CCNYL1: variants seen among roughly 807,000 people sequenced by gnomAD.
CCNYL1 encodes cyclin-Y-like protein 1.
A neutral mutation model predicts 44.2 loss-of-function variants in CCNYL1; 16 were observed. That is an observed-to-expected ratio of 0.36 (90% confidence interval 0.25 to 0.55). The LOEUF (loss-of-function observed/expected upper bound fraction) is 0.55, where lower values mean the gene tolerates loss of function less well. Among genes scored for constraint, CCNYL1 ranks in the 20% least tolerant of loss-of-function variants. The pLI, the probability that CCNYL1 is intolerant of heterozygous loss-of-function variation, is 0.85. For missense variants in CCNYL1, 348 were observed against 451.8 expected, an observed-to-expected ratio of 0.77 and a Z score of 2.08; for synonymous variants, 159 against 163.2, an observed-to-expected ratio of 0.97 and a Z score of 0.20.
chr2:207,726,905 T>C (rs745979257), intron 3 of CCNYL1, 29 bp downstream of exon 3: 19 of 1,497,626 alleles, frequency 1.3e-5, no homozygotes, highest in Non-Finnish European at 1.7e-5. Context: ...AGCTAAGAAA[T>C]TAACAGTTGA....
intron 8 of CCNYL1, 124 bp downstream of exon 8, chr2:207,747,337 C>T (rs145016116): frequency 2.9e-6 from 2 of 686,540 alleles, no homozygotes; most frequent in African/African-American, 3.6e-5. Flanking sequence ...AGGCATAAGA[C>T]TATATCTGTC....
At chr2:207,724,035 G>A (rs765479690) in intron 1 of CCNYL1, among the ~76,000 whole-genome samples, 1 of 151,916 alleles carries the variant, frequency 6.6e-6, no homozygotes, top group Non-Finnish European at 1.5e-5. Context: ...TCCAACTTTG[G>A]TGCAAGGTGG....
At chr2:207,733,132 C>G (rs2105829355) in intron 3 of CCNYL1, among the ~76,000 whole-genome samples, 1 of 152,226 alleles carries the variant, frequency 6.6e-6, no homozygotes, top group East Asian at 1.9e-4. Flanking sequence ...CAGATGGGGT[C>G]AGGCTTATCG....
At position 207,718,356 on chromosome 2, in the gene CCNYL1, A is replaced by G. The variant is rs116508526; in HGVS notation, c.220+6240A>G. On this transcript the variant is annotated intron_variant, in intron 1 of 9. Transcript: ENST00000295414. Reference sequence around the variant, plus strand: ...CTGAGACCCTGCCTCTACAAAAAGTAAATTAGCCAGGTGTGGTGGCACACA... The same window carrying G: ...CTGAGACCCTGCCTCTACAAAAAGTGAATTAGCCAGGTGTGGTGGCACACA... Among the ~76,000 whole-genome samples, 674 of 152,216 alleles carry G rather than the reference A, an allele frequency of 4.4e-3. 2 individuals are homozygous for G. The highest frequency in any genetic ancestry group is 0.015 in the African/African-American group (620 of 41,536).
intron 8 of CCNYL1, among the ~76,000 whole-genome samples, chr2:207,749,764 G>A (rs1297215533): frequency 6.6e-6 from 1 of 152,206 alleles, no homozygotes; most frequent in African/African-American, 2.4e-5. Flanking sequence ...AATTTTGGAA[G>A]TAGGTTCAGT....
intron 1 of CCNYL1, among the ~76,000 whole-genome samples, chr2:207,713,933 A>AT (rs1483812013): frequency 6.6e-6 from 1 of 152,182 alleles, no homozygotes; most frequent in Non-Finnish European, 1.5e-5. Flanking sequence ...CAGTTAGTAG[A>AT]TGGGTGGGTG....
intron 9 of CCNYL1, among the ~76,000 whole-genome samples, chr2:207,752,135 C>G (rs189105438): frequency 5.9e-5 from 9 of 152,208 alleles, no homozygotes; most frequent in African/African-American, 2.2e-4. Context: ...TTTGCAAATT[C>G]ATGTCATGGT....
At chr2:207,747,658 C>T (rs998393484) in intron 8 of CCNYL1, among the ~76,000 whole-genome samples, 4 of 152,214 alleles carry the variant, frequency 2.6e-5, no homozygotes, top group African/African-American at 4.8e-5. Flanking sequence ...AAGCGATTCT[C>T]CTGCCTCAGC....
intron 7 of CCNYL1, among the ~76,000 whole-genome samples, chr2:207,745,350 C>T (rs2105838800): frequency 6.6e-6 from 1 of 152,286 alleles, no homozygotes; most frequent in East Asian, 1.9e-4. Flanking sequence ...AAAGAACTCT[C>T]ACACTGACAC....
chr2:207,752,255 G>T (rs1575226466), intron 9 of CCNYL1, among the ~76,000 whole-genome samples: 1 of 152,216 alleles, frequency 6.6e-6, no homozygotes, highest in Admixed American at 6.5e-5. Flanking sequence ...AATGCTGGAT[G>T]TAAGTGGTAG....
intron 1 of CCNYL1, among the ~76,000 whole-genome samples, chr2:207,716,087 G>C (rs565317028): frequency 1.3e-5 from 2 of 152,176 alleles, no homozygotes; most frequent in Non-Finnish European, 2.9e-5. Context: ...ACTGACGGTA[G>C]TATCAGTAAC....
chr2:207,748,455 T>A (rs13399784), intron 8 of CCNYL1, among the ~76,000 whole-genome samples: 23,626 of 152,116 alleles, frequency 0.16, 3,039 homozygotes, highest in East Asian at 0.38. Context: ...TGGCCTCGTG[T>A]CGGCCGTGAA....
At chr2:207,733,893 C>T (rs960918958) in intron 3 of CCNYL1, 54 bp from the exon 4 acceptor site, 56 of 1,171,502 alleles carry the variant, frequency 4.8e-5, no homozygotes, top group Non-Finnish European at 4.1e-5. Flanking sequence ...AAAAACCACA[C>T]TTTTATAGGT....
rs544499249 is a variant in CCNYL1, at chr2:207,715,669, C to T, written c.220+3553C>T. ...TGCTGGGATCATAGGTGTGAGCCAC[C>T]GCGCCTGGCCTTTTTTTTTTTTTTG... On this transcript the variant is annotated intron_variant, in intron 1 of 9. Coordinates refer to ENST00000295414, the MANE Select transcript of CCNYL1 (RefSeq NM_001330218.2). 2.7e-4 allele frequency among the ~76,000 whole-genome samples: 39 copies of T among 147,130 alleles called. No individual in the cohort carries two copies. In the South Asian group the frequency reaches 6.0e-3, roughly 23 times the overall value.
chr2:207,740,151 C>G (rs1374392840), intron 5 of CCNYL1, among the ~76,000 whole-genome samples: 3 of 152,054 alleles, frequency 2.0e-5, no homozygotes, highest in Non-Finnish European at 4.4e-5. Flanking sequence ...ATTATCAAAG[C>G]CTTGTCTCTT....
chr2:207,720,334 A>G (rs745581665), intron 1 of CCNYL1, among the ~76,000 whole-genome samples: 4 of 151,638 alleles, frequency 2.6e-5, no homozygotes, highest in Admixed American at 6.6e-5. Flanking sequence ...ATTAAGCTTT[A>G]GAGTTAAAAT....
At chr2:207,717,885 G>A (rs1240601560) in intron 1 of CCNYL1, among the ~76,000 whole-genome samples, 2 of 147,686 alleles carry the variant, frequency 1.4e-5, no homozygotes, top group African/African-American at 5.0e-5. Flanking sequence ...GAGGATTATA[G>A]CCTGGGAAAT....
At chr2:207,744,656 C>T (rs577332008) in intron 7 of CCNYL1, among the ~76,000 whole-genome samples, 1 of 152,066 alleles carries the variant, frequency 6.6e-6, no homozygotes, top group Non-Finnish European at 1.5e-5. Context: ...AAGTGTGAGC[C>T]ACTGCGCCTG....
chr2:207,734,057 A>C lies in CCNYL1; in HGVS notation c.431+10A>C. 6.4e-7 allele frequency: 1 copy of C among 1,573,724 alleles called. No homozygotes were observed. Among genetic ancestry groups the C allele is most frequent in the Non-Finnish European group, 8.7e-7 (1 of 1,143,856 alleles). On this transcript the variant is annotated intron_variant, in intron 4 of 9. Coordinates refer to ENST00000295414, the MANE Select transcript of CCNYL1 (RefSeq NM_001330218.2). ...GAACCACAGTAAAATGGTGAGTACA[A>C]CTAGGCTGCCAAGGGCTGAGTGACA...
Sources: allele counts gnomAD v4.1 joint callset (sites outside exome capture counted in the v4.1 genomes callset), GRCh38; gene constraint gnomAD v4.1.1; transcripts MANE v1.5; gene names NCBI Gene and HGNC (gene_info 2026-07-23, HGNC 2026-07-21).